The following CSMD3 variants were observed in gnomAD, a reference collection of about 807,000 sequenced individuals.
CSMD3 encodes the protein CUB and sushi domain-containing protein 3.
A neutral mutation model predicts 435.2 loss-of-function variants in CSMD3; 177 were observed. The observed-to-expected ratio is 0.41, with a 90% CI of 0.36 to 0.46. CSMD3 has a LOEUF of 0.46. Among genes scored for constraint, CSMD3 ranks in the 20% least tolerant of loss-of-function variants. The pLI, the probability that CSMD3 is intolerant of heterozygous loss-of-function variation, is 0.34. For synonymous variants in CSMD3, 1,656 were observed against 1,520.5 expected (o/e 1.09, Z -2.07); for missense variants, 4,265 against 4,504.6 (o/e 0.95, Z 1.52).
intron 47 of CSMD3, among the ~76,000 whole-genome samples, chr8:112,316,042 G>A (rs1424273251): frequency 6.6e-6 from 1 of 151,760 alleles, no homozygotes; most frequent in Non-Finnish European, 1.5e-5. Flanking sequence ...GAGTAGAAAA[G>A]AGTAACTAAC....
At chr8:113,001,021 T>C (rs1277644100) in intron 6 of CSMD3, among the ~76,000 whole-genome samples, 2 of 152,000 alleles carry the variant, frequency 1.3e-5, no homozygotes, top group African/African-American at 2.4e-5. Context: ...CATAATTTCT[T>C]CTTTTTTGGT....
At chr8:112,802,889 G>T (rs898530405) in intron 12 of CSMD3, among the ~76,000 whole-genome samples, 5 of 151,564 alleles carry the variant, frequency 3.3e-5, no homozygotes, top group Admixed American at 6.6e-5. Flanking sequence ...GTATGCATGG[G>T]TAATCTGGAC....
chr8:112,655,998 T>A (rs995181640), intron 18 of CSMD3, among the ~76,000 whole-genome samples, 156 bp downstream of exon 18: 1 of 152,096 alleles, frequency 6.6e-6, no homozygotes. Flanking sequence ...CAGAATTTAC[T>A]AAAACACACA....
intron 22 of CSMD3, among the ~76,000 whole-genome samples, chr8:112,596,834 A>G (rs1290578079): frequency 6.6e-6 from 1 of 152,158 alleles, no homozygotes; most frequent in Admixed American, 6.5e-5. Flanking sequence ...CAAAGACACA[A>G]TATACCAGAA....
At chr8:112,784,918 C>T (rs755581510) in intron 13 of CSMD3, among the ~76,000 whole-genome samples, 1 of 151,852 alleles carries the variant, frequency 6.6e-6, no homozygotes, top group African/African-American at 2.4e-5. Context: ...TCTACAAGGA[C>T]AATAGTATCC....
chr8:112,659,785 T>C (rs2075337773), intron 17 of CSMD3, among the ~76,000 whole-genome samples: 1 of 152,172 alleles, frequency 6.6e-6, no homozygotes, highest in African/African-American at 2.4e-5. Context: ...GTTGGTGTTA[T>C]TGCTATTTTG....
intron 1 of CSMD3, among the ~76,000 whole-genome samples, chr8:113,408,812 G>C (rs1012601991): frequency 6.6e-6 from 1 of 151,772 alleles, no homozygotes; most frequent in Non-Finnish European, 1.5e-5. Context: ...CTACAGGCGT[G>C]TGCCACCACA....
At chr8:113,361,044 A>C (rs2094272163) in intron 1 of CSMD3, among the ~76,000 whole-genome samples, 1 of 152,102 alleles carries the variant, frequency 6.6e-6, no homozygotes, top group South Asian at 2.1e-4. Flanking sequence ...TAAGGACTTT[A>C]AATTGACTCT....
At chr8:113,183,953 T>C (rs1360716260) in intron 3 of CSMD3, among the ~76,000 whole-genome samples, 1 of 151,998 alleles carries the variant, frequency 6.6e-6, no homozygotes, top group Admixed American at 6.6e-5. Flanking sequence ...TCTGACATTG[T>C]CTACCTGGCA....
chr8:112,867,623 T>C (rs1005825397), intron 10 of CSMD3, among the ~76,000 whole-genome samples: 1 of 152,154 alleles, frequency 6.6e-6, no homozygotes, highest in African/African-American at 2.4e-5. Flanking sequence ...GGATACACTG[T>C]ATACAATAAA....
chr8:112,279,115 C>G (rs950938629), intron 59 of CSMD3, among the ~76,000 whole-genome samples: 5 of 152,024 alleles, frequency 3.3e-5, no homozygotes, highest in African/African-American at 1.2e-4. Context: ...CAACTGGACT[C>G]AATTGAAAAT....
At chr8:112,242,529 G>C (rs908803385) in intron 65 of CSMD3, among the ~76,000 whole-genome samples, 3 of 152,044 alleles carry the variant, frequency 2.0e-5, no homozygotes, top group Non-Finnish European at 2.9e-5. Flanking sequence ...CTGAGTTAGA[G>C]TATGATAGCA....
intron 32 of CSMD3, among the ~76,000 whole-genome samples, chr8:112,457,586 A>C (rs1816966237): frequency 6.6e-6 from 1 of 152,088 alleles, no homozygotes; most frequent in African/African-American, 2.4e-5. Context: ...TCTTATCCAG[A>C]GTTTTATCTA....
rs557714180 is a variant in CSMD3 at position 113,079,932 on chromosome 8, A to T, written c.917+18824T>A. ...TATAATACATAGCCTTGGTATTTTT[A>T]AATGTTTGTTTGTTTGTTTGTTTTT... is the stretch of plus-strand genomic sequence containing the variant. On this transcript the variant is annotated intron_variant, in intron 5 of 70. Coordinates refer to ENST00000297405, the MANE Select transcript of CSMD3 (RefSeq NM_198123.2). Among the ~76,000 whole-genome samples, 3 of 150,876 alleles carry T rather than the reference A, an allele frequency of 2.0e-5. No homozygotes were observed. The East Asian group carries it at 5.8e-4, about 29-fold the overall frequency.
chr8:112,989,409 A>G (rs2085369477), intron 6 of CSMD3, among the ~76,000 whole-genome samples: 1 of 151,956 alleles, frequency 6.6e-6, no homozygotes, highest in African/African-American at 2.4e-5. Context: ...ACTTATTTTT[A>G]GCCAAGATAA....
At chr8:113,174,089 C>T (rs1011869081) in intron 3 of CSMD3, among the ~76,000 whole-genome samples, 173 bp from the exon 4 acceptor site, 1 of 152,094 alleles carries the variant, frequency 6.6e-6, no homozygotes, top group Non-Finnish European at 1.5e-5. Flanking sequence ...GGGAAGAAAA[C>T]TAAACCTTAT....
chr8:113,058,430 T>A (rs1052606832), intron 5 of CSMD3, among the ~76,000 whole-genome samples: 5 of 151,928 alleles, frequency 3.3e-5, no homozygotes, highest in South Asian at 2.1e-4. Flanking sequence ...TGGGTTTTTT[T>A]AATAAACTTT....
intron 17 of CSMD3, among the ~76,000 whole-genome samples, chr8:112,665,814 C>T (rs915275899): frequency 2.0e-5 from 3 of 152,030 alleles, no homozygotes; most frequent in African/African-American, 4.8e-5. Context: ...TCAGCTGTTC[C>T]ACCATTACTA....
chr8:112,459,557 A>G (rs1641037778), intron 32 of CSMD3, among the ~76,000 whole-genome samples: 1 of 152,088 alleles, frequency 6.6e-6, no homozygotes, highest in Admixed American at 6.6e-5. Context: ...TAACAACTGA[A>G]AATTGTTGTG....
Sources: allele counts gnomAD v4.1 joint callset (sites outside exome capture counted in the v4.1 genomes callset), GRCh38; gene constraint gnomAD v4.1.1; transcripts MANE v1.5; gene names NCBI Gene and HGNC (gene_info 2026-07-23, HGNC 2026-07-21).